Variants in TLK1 observed in about 807,000 individuals in gnomAD.
The protein encoded by TLK1 is tousled like kinase 1.
A neutral mutation model predicts 105.3 loss-of-function variants in TLK1; 24 were observed. That is an observed-to-expected ratio of 0.23 (90% CI 0.17 to 0.32). The LOEUF is 0.32. Among genes scored for constraint, TLK1 ranks in the 10% least tolerant of loss-of-function variants. The pLI is 1.00. For synonymous variants in TLK1, 321 were observed against 310.4 expected, an observed-to-expected ratio of 1.03 and a Z score of -0.36; for missense variants, 558 against 910.5, an observed-to-expected ratio of 0.61 and a Z score of 4.98.
At chr2:171,108,457 CAAG>C (rs1282573982) in intron 2 of TLK1, among the ~76,000 whole-genome samples, 1 of 151,886 alleles carries the variant, frequency 6.6e-6, no homozygotes, top group African/African-American at 2.4e-5. Flanking sequence ...ACGTAAAGTA[CAAG>C]AAGACATTAA....
intron 1 of TLK1, among the ~76,000 whole-genome samples, chr2:171,131,001 ATTTCT>A (rs1691083548): frequency 7.0e-6 from 1 of 143,514 alleles, no homozygotes; most frequent in African/African-American, 2.6e-5. Flanking sequence ...TCTAATAATA[ATTTCT>A]TTTATCTGCA....
chr2:171,162,177 T>G (rs1692520046), upstream of TLK1, among the ~76,000 whole-genome samples: 1 of 152,248 alleles, frequency 6.6e-6, no homozygotes, highest in African/African-American at 2.4e-5. Flanking sequence ...CTTTTCAAAC[T>G]TAAGAGGGAC....
intron 2 of TLK1, among the ~76,000 whole-genome samples, chr2:171,116,261 T>C (rs1690420960): frequency 6.6e-6 from 1 of 152,180 alleles, no homozygotes; most frequent in East Asian, 1.9e-4. Context: ...ACTTACGATG[T>C]ATGAAGTCAA....
At chr2:171,029,541 T>C (rs111726782) in intron 11 of TLK1, among the ~76,000 whole-genome samples, 6 of 152,248 alleles carry the variant, frequency 3.9e-5, no homozygotes, top group African/African-American at 9.6e-5. Flanking sequence ...AGTGTCCAGG[T>C]TGAATTTGAA....
Position 171,091,756 on chromosome 2 carries a change from TGTTG to T in TLK1, c.259-8908_259-8905del, listed in dbSNP as rs1481039071. 2.9e-5 allele frequency: 4 copies of T among 138,544 alleles called. No individual in the cohort carries two copies. The East Asian group carries it at 8.7e-4, about 30-fold the overall frequency. 8.6% of individuals were successfully genotyped at this position (138,544 alleles called of 1,614,324 possible). A position where few individuals can be genotyped will look rare whatever the true frequency, so the allele number is the denominator to read the frequency against. On this transcript the variant is annotated intron_variant, in intron 2 of 20. Transcript: ENST00000431350. The stretch of plus-strand genomic sequence containing the variant: ...TTGTTGTTGTTGTTGTTGTTGTTGT[TGTTG>T]TTTAGACGGAGTCTCACTCTGTCTC...
chr2:171,216,928 C>T (rs964003561), intron 1 of TLK1, among the ~76,000 whole-genome samples: 1 of 152,220 alleles, frequency 6.6e-6, no homozygotes, highest in Admixed American at 6.5e-5. Flanking sequence ...GAATGCAGCC[C>T]TGCCTTGATT....
At position 171,227,561 on chromosome 2, in the gene TLK1, A is replaced by AACAC; in HGVS notation, c.-6+3583_-6+3584insGTGT. 3.2e-5 allele frequency among the ~76,000 whole-genome samples: 4 copies of AACAC among 126,112 alleles called. No homozygotes were observed. The South Asian group carries it at 1.1e-3, about 33-fold the overall frequency. 82.7% of individuals were successfully genotyped at this position (126,112 alleles called of 152,430 possible). A position where few individuals can be genotyped will look rare whatever the true frequency, so the allele number is the denominator to read the frequency against. ...TTACATGAGTTAGTCATGAGTTAGT[A>AACAC]AATCTCCTTTTTTTTTTTTTTTTTT... On this transcript the variant is annotated intron_variant, in intron 1 of 20. Transcript: ENST00000521943.
intron 3 of TLK1, among the ~76,000 whole-genome samples, chr2:171,082,327 C>T (rs1374771649): frequency 2.7e-5 from 4 of 149,712 alleles, no homozygotes; most frequent in African/African-American, 9.9e-5. Flanking sequence ...TTTTAAAATA[C>T]GAAAAATGAA....
At chr2:171,218,068 A>G (rs1388624892) in intron 1 of TLK1, among the ~76,000 whole-genome samples, 1 of 152,190 alleles carries the variant, frequency 6.6e-6, no homozygotes, top group Non-Finnish European at 1.5e-5. Flanking sequence ...CCTGGCTAAC[A>G]TGGTGAAACC....
At chr2:171,187,064 AAAAAAAAAAAAAAAAAAAAG>A (rs1345412844) in intron 1 of TLK1, among the ~76,000 whole-genome samples, 3 of 129,608 alleles carry the variant, frequency 2.3e-5, no homozygotes, top group Non-Finnish European at 4.8e-5. Flanking sequence ...TCTCAAAAAA[AAAAAAAAAAAAAAAAAAAAG>A]AAAAAGAAAA....
intron 2 of TLK1, among the ~76,000 whole-genome samples, chr2:171,100,385 T>C (rs1689636613): frequency 6.6e-6 from 1 of 152,122 alleles, no homozygotes; most frequent in South Asian, 2.1e-4. Context: ...AATGAGTGAG[T>C]TCTTACTCTG....
intron 1 of TLK1, among the ~76,000 whole-genome samples, chr2:171,127,773 C>T (rs1398490060): frequency 1.3e-5 from 2 of 152,138 alleles, no homozygotes; most frequent in African/African-American, 4.8e-5. Context: ...CTGGTTATCA[C>T]ATTCCATAAA....
intron 1 of TLK1, among the ~76,000 whole-genome samples, chr2:171,205,834 C>T (rs1353878421): frequency 6.6e-6 from 1 of 152,146 alleles, no homozygotes; most frequent in South Asian, 2.1e-4. Context: ...ATAAAGGTTT[C>T]CTCTGTAAGT....
intron 3 of TLK1, among the ~76,000 whole-genome samples, chr2:171,073,852 G>T (rs1423983155): frequency 6.7e-6 from 1 of 149,468 alleles, no homozygotes; most frequent in Non-Finnish European, 1.5e-5. Flanking sequence ...TAATAACAGA[G>T]AAGAGAATAA....
intron 20 of TLK1, among the ~76,000 whole-genome samples, chr2:170,994,938 C>T (rs1245320596): frequency 1.3e-5 from 2 of 152,088 alleles, no homozygotes; most frequent in East Asian, 3.8e-4. Flanking sequence ...GAAATTAATA[C>T]ATACCATTAA....
At chr2:171,011,231 C>A (rs1047767005) in intron 14 of TLK1, 142 bp downstream of exon 14, 5 of 603,818 alleles carry the variant, frequency 8.3e-6, no homozygotes, top group Non-Finnish European at 1.3e-5. Flanking sequence ...AAACTCCTGG[C>A]CTCAGGCACC....
chr2:171,014,729 G>A (rs1685091175), intron 13 of TLK1, 122 bp downstream of exon 13: 2 of 721,130 alleles, frequency 2.8e-6, no homozygotes, highest in South Asian at 3.9e-5. Flanking sequence ...GCCATGGGAA[G>A]GACTTTGGAT....
chr2:171,073,231 C>T (rs1688341868), intron 3 of TLK1, among the ~76,000 whole-genome samples: 1 of 152,122 alleles, frequency 6.6e-6, no homozygotes. Flanking sequence ...ACTGCTCTAG[C>T]GAGGACTTCC....
Position 171,006,870 on chromosome 2 carries a change from T to G in TLK1, c.1528A>C (p.Arg510=), listed in dbSNP as rs758789516. Residue 510 remains arginine, a synonymous_variant, in exon 16 of 21, where the codon AGA becomes CGA. Coordinates refer to ENST00000431350, the MANE Select transcript of TLK1 (RefSeq NM_012290.5). ...NYHKHACREY[R]IHKELDHPRI... is the part of the protein sequence containing the mutation. Reference sequence around the variant, plus strand: ...GGGTGATCCAGTTCTTTGTGTATTCTATACTCTCTGCAGGCATGTCTATGA... The same window carrying G: ...GGGTGATCCAGTTCTTTGTGTATTCGATACTCTCTGCAGGCATGTCTATGA... The G allele has an allele frequency of 1.4e-5, 23 of 1,613,028 alleles. No individual in the cohort carries two copies. In the East Asian group the frequency reaches 5.1e-4, roughly 36 times the overall value.
Sources: allele counts gnomAD v4.1 joint callset (sites outside exome capture counted in the v4.1 genomes callset), GRCh38; gene constraint gnomAD v4.1.1; transcripts MANE v1.5; gene names NCBI Gene and HGNC (gene_info 2026-07-23, HGNC 2026-07-21).